The following DNM2 variants were observed in gnomAD, a reference collection of about 807,000 sequenced individuals.
The protein encoded by DNM2 is dynamin-2.
DNM2 carries 15 observed loss-of-function variants against 99.0 expected under a neutral mutation model. That is an observed-to-expected ratio of 0.15 (90% CI 0.10 to 0.23). The LOEUF is 0.23. Among genes scored for constraint, DNM2 ranks in the 10% least tolerant of loss-of-function variants. The probability of loss-of-function intolerance (pLI) is 1.00; values close to 1 mark genes in which losing one functional copy is unlikely to be tolerated. For synonymous variants in DNM2, 525 were observed against 481.2 expected (o/e 1.09, Z -1.19); for missense variants, 742 against 1,189.4 (o/e 0.62, Z 5.53).
intron 1 of DNM2, among the ~76,000 whole-genome samples, chr19:10,743,982 T>C (rs554942421): frequency 7.0e-6 from 1 of 142,558 alleles, no homozygotes; most frequent in Non-Finnish European, 1.5e-5. Flanking sequence ...CGAGACTGTT[T>C]CCAGAAAAAA....
intron 2 of DNM2, among the ~76,000 whole-genome samples, chr19:10,769,989 C>T (rs1055634049): frequency 1.7e-4 from 26 of 152,238 alleles, no homozygotes; most frequent in Non-Finnish European, 2.9e-5. Flanking sequence ...AGCTCCATCA[C>T]GGAACTTGGC....
chr19:10,727,305 G>A (rs750810346), intron 1 of DNM2, among the ~76,000 whole-genome samples: 5 of 152,118 alleles, frequency 3.3e-5, no homozygotes, highest in African/African-American at 4.8e-5. Flanking sequence ...GGATGAGGGC[G>A]GAAGATGGCC....
intron 1 of DNM2, among the ~76,000 whole-genome samples, chr19:10,731,387 A>G (rs112508627): frequency 0.046 from 6,718 of 144,716 alleles, 186 homozygotes; most frequent in African/African-American, 0.075. Flanking sequence ...AGAGTCTCAC[A>G]GTGTCGCCCG....
rs919370114 is a variant in DNM2 at position 10,729,164 on chromosome 19, CAAAAAA to C, written c.161+10782_161+10787del. Among the ~76,000 whole-genome samples the C allele has an allele frequency of 3.2e-4, 14 of 44,424 alleles. 1 individual carries two copies. The highest frequency in any genetic ancestry group is 2.0e-3 in the East Asian group (2 of 1,014). 29.1% of individuals were successfully genotyped at this position (44,424 alleles called of 152,430 possible). A position where few individuals can be genotyped will look rare whatever the true frequency, so the allele number is the denominator to read the frequency against. ...TGGGCGACAGAGCGAGACTCCGTCT[CAAAAAA>C]AAAAAAAAAAAAAAAAAAAATATAA... is the stretch of plus-strand genomic sequence containing the variant. On this transcript the variant is annotated intron_variant, in intron 1 of 20. Coordinates refer to ENST00000389253, the MANE Select transcript of DNM2 (RefSeq NM_001005361.3).
In DNM2 at chr19:10,831,793, C is replaced by T. The variant is rs1411248491; in HGVS notation, c.*746C>T. On this transcript the variant is annotated 3_prime_UTR_variant, in exon 21 of 21. Transcript: ENST00000389253. The surrounding 1 kb of genome is among the most constrained non-coding windows in gnomAD (Gnocchi z 4.3). The stretch of plus-strand genomic sequence containing the variant: ...GCCTCCCTGATGGGTGGGCCCAGGG[C>T]GGCCTCTCTCTGAGGAGACCTCACC... The T allele has an allele frequency of 7.1e-6, 7 of 987,042 alleles. No individual in the cohort carries two copies. The highest frequency in any genetic ancestry group is 4.7e-5 in the South Asian group (1 of 21,412). 61.1% of individuals were successfully genotyped at this position (987,042 alleles called of 1,614,324 possible).
intron 1 of DNM2, among the ~76,000 whole-genome samples, chr19:10,727,882 T>G (rs1428826556): frequency 6.6e-6 from 1 of 152,224 alleles, no homozygotes; most frequent in African/African-American, 2.4e-5. Context: ...TTACTGGGAT[T>G]GCCAACTACA....
chr19:10,751,488 G>A (rs2070192123), intron 1 of DNM2, among the ~76,000 whole-genome samples: 1 of 152,178 alleles, frequency 6.6e-6, no homozygotes, highest in Non-Finnish European at 1.5e-5. Context: ...AGCTGCTTGG[G>A]AGGTGGTTTC....
intron 1 of DNM2, among the ~76,000 whole-genome samples, chr19:10,757,617 C>T (rs541219879): frequency 5.9e-5 from 9 of 152,218 alleles, no homozygotes; most frequent in Admixed American, 4.6e-4. Context: ...AAATTTTCAA[C>T]GATCCAAACA....
intron 11 of DNM2, 148 bp downstream of exon 11, chr19:10,798,720 C>G (rs1359209264): frequency 1.3e-6 from 1 of 784,356 alleles, no homozygotes; most frequent in Non-Finnish European, 2.1e-6. Context: ...CCTAAAATCC[C>G]TGTCCCTATC....
chr19:10,733,801 G>A (rs1257065874), intron 1 of DNM2, among the ~76,000 whole-genome samples: 3 of 151,734 alleles, frequency 2.0e-5, no homozygotes, highest in Non-Finnish European at 1.5e-5. Flanking sequence ...GAGGTCAGGA[G>A]TTCAAGACCA....
rs1568306429 is a variant in DNM2 at position 10,797,500 on chromosome 19, A to T, written c.1317A>T (p.Ile439=). 6.2e-7 allele frequency: 1 copy of T among 1,613,498 alleles called. No homozygotes were observed. Among genetic ancestry groups the T allele is most frequent in the Non-Finnish European group, 8.5e-7 (1 of 1,179,756 alleles). ...TGGTCTCAGAGCTGGCCACGGTCAT[A>T]AAAAAGTGTGCCGAGAAGGTAACAG... ...DLVVSELATV[I]KKCAEKLSSY... is the part of the protein sequence containing the mutation. The change falls in exon 10 of 21, where the codon ATA becomes ATT. Residue 439 remains isoleucine, a synonymous_variant. Coordinates refer to ENST00000389253, the MANE Select transcript of DNM2 (RefSeq NM_001005361.3).
At chr19:10,815,661 A>AGCT (rs1042078070) in intron 15 of DNM2, among the ~76,000 whole-genome samples, 3 of 152,200 alleles carry the variant, frequency 2.0e-5, no homozygotes, top group Non-Finnish European at 4.4e-5. Flanking sequence ...CCAGCTGGCC[A>AGCT]GTCCCCATGG....
chr19:10,759,663 C>G (rs1047843180), intron 1 of DNM2, 75 bp from the exon 2 acceptor site: 2 of 1,582,294 alleles, frequency 1.3e-6, no homozygotes, highest in East Asian at 4.5e-5. Context: ...AGAGTTGCTC[C>G]ACCACATGTG....
At chr19:10,793,990 G>A in intron 8 of DNM2, 135 bp downstream of exon 8, 1 of 1,440,090 alleles carries the variant, frequency 6.9e-7, no homozygotes, top group Non-Finnish European at 9.6e-7. Flanking sequence ...GCAGGGTGTG[G>A]CCTGGATGAG....
chr19:10,830,453 G>T lies in DNM2; in HGVS notation c.2543+75G>T. On this transcript the variant is annotated intron_variant, in intron 20 of 20. Coordinates refer to ENST00000389253, the MANE Select transcript of DNM2 (RefSeq NM_001005361.3). This position sits in a 1 kb window ranked among gnomAD's most constrained non-coding sequence, Gnocchi z 4.8. ...TCTCCTCCTGTCTCACTTCCTCCCA[G>T]TGAGCTCTCACTACGTGCCCAGCTG... is the stretch of plus-strand genomic sequence containing the variant. The T allele has an allele frequency of 6.6e-7, 1 of 1,517,868 alleles. No homozygotes were observed. The highest frequency in any genetic ancestry group is 9.0e-7 in the Non-Finnish European group (1 of 1,113,782). 94.0% of individuals were successfully genotyped at this position (1,517,868 alleles called of 1,614,324 possible).
intron 1 of DNM2, among the ~76,000 whole-genome samples, chr19:10,733,464 A>G (rs1431502828): frequency 6.6e-6 from 1 of 151,712 alleles, no homozygotes; most frequent in Non-Finnish European, 1.5e-5. Flanking sequence ...AAGTGCTGGG[A>G]TTGTAAGCAT....
chr19:10,733,756 C>T (rs992818831), intron 1 of DNM2, among the ~76,000 whole-genome samples: 1 of 151,958 alleles, frequency 6.6e-6, no homozygotes, highest in Non-Finnish European at 1.5e-5. Flanking sequence ...CCTGTAATCC[C>T]AGCACTTTGG....
At position 10,796,258 on chromosome 19, in the gene DNM2, G is replaced by A. The variant is rs904686742; in HGVS notation, c.1196+819G>A. The A allele has an allele frequency of 1.2e-6, 2 of 1,611,648 alleles. No homozygotes were observed. Among genetic ancestry groups the A allele is most frequent in the South Asian group, 1.1e-5 (1 of 90,876 alleles). ...TGTGGAAACGGGGGTACGGGGGTTT[G>A]GTATCAGGCTCCCAGCGCCTCATTG... On this transcript the variant is annotated intron_variant, in intron 9 of 20. Coordinates refer to ENST00000389253, the MANE Select transcript of DNM2 (RefSeq NM_001005361.3). This position sits in a 1 kb window ranked among gnomAD's most constrained non-coding sequence, Gnocchi z 5.6.
At chr19:10,771,247 T>C (rs145089487) in intron 2 of DNM2, among the ~76,000 whole-genome samples, 132 of 152,364 alleles carry the variant, frequency 8.7e-4, no homozygotes, top group African/African-American at 3.1e-3. Context: ...CCTTCCGTGA[T>C]GAACATGCCT....
Sources: gnomAD v4.1 joint callset for allele counts (sites outside exome capture counted in the v4.1 genomes callset) on GRCh38, gnomAD v4.1.1 for gene constraint, Gnocchi (gnomAD v3.1) non-coding constraint, MANE v1.5 for transcripts, NCBI Gene and HGNC (gene_info 2026-07-23, HGNC 2026-07-21) for gene names.